Variants in UTRN observed in about 807,000 individuals in gnomAD.
UTRN encodes dystrophin-related protein 1.
In UTRN, 283 loss-of-function variants were observed where a neutral mutation model predicts 463.9. The observed-to-expected ratio is 0.61, with a 90% CI of 0.55 to 0.67. The LOEUF is 0.67. Ranked by LOEUF, UTRN falls within the 30% of genes least tolerant of loss-of-function variation. UTRN has a pLI of 0.00. For synonymous variants in UTRN, 1,442 were observed against 1,431.5 expected (o/e 1.01, Z -0.17); for missense variants, 3,922 against 4,084.3 (o/e 0.96, Z 1.08).
intron 51 of UTRN, among the ~76,000 whole-genome samples, chr6:144,601,973 T>G (rs1195248875): frequency 6.6e-6 from 1 of 152,122 alleles, no homozygotes; most frequent in Non-Finnish European, 1.5e-5. Flanking sequence ...TTTTTTGCAA[T>G]AAAATATTTT....
chr6:144,540,980 A>G (rs529217937), intron 45 of UTRN, among the ~76,000 whole-genome samples: 1 of 152,184 alleles, frequency 6.6e-6, no homozygotes, highest in South Asian at 2.1e-4. Context: ...GCTTCTTACA[A>G]CCCCCATTGC....
At chr6:144,400,004 C>T (rs545194712) in intron 2 of UTRN, among the ~76,000 whole-genome samples, 2 of 152,218 alleles carry the variant, frequency 1.3e-5, no homozygotes, top group East Asian at 3.9e-4. Flanking sequence ...GGGAAAGCAG[C>T]CTTAAGGGAT....
Position 144,461,353 on chromosome 6 carries a change from T to C in UTRN, c.2853+11T>C. On this transcript the variant is annotated intron_variant, in intron 22 of 74. Transcript: ENST00000367545. The stretch of plus-strand genomic sequence containing the variant: ...CTGCAAGAAAAAAAGGTAACATATA[T>C]CTTCCATGTTAGAACTCTAGCGCTT... 6.5e-7 allele frequency: 1 copy of C among 1,537,994 alleles called. No homozygotes were observed. The highest frequency in any genetic ancestry group is 8.8e-7 in the Non-Finnish European group (1 of 1,139,940).
intron 41 of UTRN, among the ~76,000 whole-genome samples, chr6:144,526,913 A>T (rs1796621077): frequency 6.6e-6 from 1 of 152,008 alleles, no homozygotes; most frequent in South Asian, 2.1e-4. Flanking sequence ...TCTCTGCCTC[A>T]GCCTCCCATG....
chr6:144,421,532 A>G (rs183185266), intron 3 of UTRN, among the ~76,000 whole-genome samples: 2 of 151,674 alleles, frequency 1.3e-5, no homozygotes, highest in East Asian at 2.0e-4. Flanking sequence ...TACTAAAAAT[A>G]TAAAAAATTA....
At chr6:144,675,592 C>T (rs1464813211) in intron 51 of UTRN, among the ~76,000 whole-genome samples, 1 of 152,102 alleles carries the variant, frequency 6.6e-6, no homozygotes, top group African/African-American at 2.4e-5. Context: ...GGCCTCTAGC[C>T]AGGAGGTGGT....
At position 144,381,094 on chromosome 6, in the gene UTRN, T is replaced by C. The variant is rs373820008; in HGVS notation, c.80-22029T>C. ...GTAAATGTGTGTCACAGGATGGGGG[T>C]TTGTTTACGGATTATTTCATCATCC... On this transcript the variant is annotated intron_variant, in intron 2 of 74. Transcript: ENST00000367545. 4.6e-5 allele frequency among the ~76,000 whole-genome samples: 7 copies of C among 151,842 alleles called. No homozygotes were observed. The East Asian group carries it at 1.4e-3, about 29-fold the overall frequency.
At chr6:144,534,995 A>C (rs933950753) in intron 43 of UTRN, among the ~76,000 whole-genome samples, 13 of 152,174 alleles carry the variant, frequency 8.5e-5, no homozygotes, top group Non-Finnish European at 1.8e-4. Context: ...CAGGGGAAGG[A>C]TTGGAAAATG....
At chr6:144,361,761 T>C (rs1019132104) in intron 2 of UTRN, among the ~76,000 whole-genome samples, 7 of 136,396 alleles carry the variant, frequency 5.1e-5, no homozygotes, top group African/African-American at 2.2e-4. Flanking sequence ...GCTAATTTTC[T>C]TTCTTTCTTT....
intron 51 of UTRN, among the ~76,000 whole-genome samples, chr6:144,668,968 A>G (rs1350365109): frequency 1.3e-5 from 2 of 152,196 alleles, no homozygotes; most frequent in Non-Finnish European, 2.9e-5. Context: ...GAGCTGTTTT[A>G]CTGTTCATTA....
intron 34 of UTRN, among the ~76,000 whole-genome samples, chr6:144,502,609 T>C (rs1190759228): frequency 1.3e-5 from 2 of 152,226 alleles, no homozygotes; most frequent in Non-Finnish European, 2.9e-5. Flanking sequence ...AATAGCTACA[T>C]AGTATTCCAT....
At chr6:144,308,238 T>C (rs59084029) in intron 2 of UTRN, among the ~76,000 whole-genome samples, 9,325 of 152,282 alleles carry the variant, frequency 0.061, 936 homozygotes, top group African/African-American at 0.21. Context: ...TTAATTTCTC[T>C]AAGTTCTCTT....
chr6:144,332,690 CATT>C (rs1268640874), intron 2 of UTRN, among the ~76,000 whole-genome samples: 1 of 152,004 alleles, frequency 6.6e-6, no homozygotes, highest in Non-Finnish European at 1.5e-5. Flanking sequence ...CAAAGAGTAT[CATT>C]AAGTCAAACC....
intron 33 of UTRN, among the ~76,000 whole-genome samples, chr6:144,493,985 G>C (rs1300095971): frequency 6.6e-6 from 1 of 152,190 alleles, no homozygotes; most frequent in Non-Finnish European, 1.5e-5. Flanking sequence ...CCTAGGAACA[G>C]AGTGAGACAC....
rs149791183 is a variant in UTRN, at chr6:144,335,702, G to A, written c.79+43795G>A. Among the ~76,000 whole-genome samples, 367 of 152,294 alleles carry A rather than the reference G, an allele frequency of 2.4e-3. 2 individuals are homozygous for A. The highest frequency in any genetic ancestry group is 7.9e-3 in the African/African-American group (330 of 41,558). ...GGAACTCTGGCACTGTGAACCCACT[G>A]CTGAATCTCGTGGCTCATAAATAAA... is the stretch of plus-strand genomic sequence containing the variant. On this transcript the variant is annotated intron_variant, in intron 2 of 74. Coordinates refer to ENST00000367545, the MANE Select transcript of UTRN (RefSeq NM_007124.3).
chr6:144,328,183 A>G (rs1776097872), intron 2 of UTRN, among the ~76,000 whole-genome samples: 1 of 150,914 alleles, frequency 6.6e-6, no homozygotes, highest in African/African-American at 2.5e-5. Flanking sequence ...AAGGGAGAGA[A>G]GTTTCTTTCC....
intron 57 of UTRN, among the ~76,000 whole-genome samples, chr6:144,756,947 A>G (rs1242746488): frequency 1.3e-5 from 2 of 152,082 alleles, no homozygotes; most frequent in Admixed American, 6.6e-5. Context: ...TACCGAAAAC[A>G]TATATTTGAA....
intron 3 of UTRN, among the ~76,000 whole-genome samples, chr6:144,418,021 A>G (rs950983140): frequency 6.6e-6 from 1 of 152,030 alleles, no homozygotes; most frequent in African/African-American, 2.4e-5. Context: ...AGAAAACACT[A>G]AAGTTATGCT....
chr6:144,678,730 A>C, intron 52 of UTRN, 152 bp downstream of exon 52: 1 of 744,436 alleles, frequency 1.3e-6, no homozygotes, highest in Non-Finnish European at 2.1e-6. Context: ...TGTTTCCTTG[A>C]GTTATATAGT....
Sources: allele counts gnomAD v4.1 joint callset (sites outside exome capture counted in the v4.1 genomes callset), GRCh38; gene constraint gnomAD v4.1.1; transcripts MANE v1.5; gene names NCBI Gene and HGNC (gene_info 2026-07-23, HGNC 2026-07-21).